The following ASTN2 variants were observed in gnomAD, a reference collection of about 807,000 sequenced individuals.
ASTN2 encodes astrotactin 2, also known as astrotactin-2.
ASTN2 carries 54 observed loss-of-function variants against 139.8 expected under a neutral mutation model. The ratio of observed to expected loss-of-function variants is 0.39; its 90% CI spans 0.31 to 0.48. The LOEUF is 0.48. Among genes scored for constraint, ASTN2 ranks in the 20% least tolerant of loss-of-function variants. The probability of loss-of-function intolerance (pLI) is 0.95; values close to 1 mark genes in which losing one functional copy is unlikely to be tolerated. For missense variants in ASTN2, 1,565 were observed against 1,725.1 expected (o/e 0.91, Z 1.64); for synonymous variants, 756 against 719.5 (o/e 1.05, Z -0.81).
At chr9:117,240,721 G>A (rs1056302089) in intron 2 of ASTN2, among the ~76,000 whole-genome samples, 3 of 152,038 alleles carry the variant, frequency 2.0e-5, no homozygotes, top group Admixed American at 6.6e-5. Flanking sequence ...TCCTTAATAG[G>A]GATCTCTGAA....
chr9:116,708,239 A>G (rs750931639), intron 16 of ASTN2, among the ~76,000 whole-genome samples: 6 of 152,330 alleles, frequency 3.9e-5, no homozygotes, highest in Middle Eastern at 3.4e-3. Flanking sequence ...ACCTAGAAAG[A>G]ATGAATGGCA....
At chr9:117,256,200 TCG>T (rs1440641256) in intron 2 of ASTN2, among the ~76,000 whole-genome samples, 2 of 152,152 alleles carry the variant, frequency 1.3e-5, no homozygotes, top group African/African-American at 4.8e-5. Flanking sequence ...CACCCAGGAC[TCG>T]CCTTATACCC....
At chr9:116,697,968 C>T (rs377669059) in intron 16 of ASTN2, 3 of 1,614,122 alleles carry the variant, frequency 1.9e-6, no homozygotes, top group Non-Finnish European at 2.5e-6. Flanking sequence ...CTTGACCCAG[C>T]TGACAGACAA....
chr9:116,674,994 C>T (rs803900), intron 16 of ASTN2, among the ~76,000 whole-genome samples: 17,517 of 152,136 alleles, frequency 0.12, 1,070 homozygotes, highest in East Asian at 0.15. Context: ...CTTGATGAAT[C>T]GGCTCTGTCT....
Position 117,021,691 on chromosome 9 carries a change from G to C in ASTN2, c.1424-13432C>G, listed in dbSNP as rs546489053. Among the ~76,000 whole-genome samples the C allele has an allele frequency of 7.9e-5, 12 of 152,226 alleles. No individual in the cohort carries two copies. In the Middle Eastern group the frequency reaches 0.01, roughly 129 times the overall value. ...TGCCACTAACTAACCAAATGATAAT[G>C]ATCCAGTTAAATGGGCCTTGGTTCC... On this transcript the variant is annotated intron_variant, in intron 6 of 22. Transcript: ENST00000313400.
chr9:116,464,857 T>C (rs1237626070), intron 20 of ASTN2, among the ~76,000 whole-genome samples: 1 of 152,214 alleles, frequency 6.6e-6, no homozygotes, highest in Non-Finnish European at 1.5e-5. Flanking sequence ...CACTCACTGA[T>C]AAGTAAGTGT....
chr9:116,730,875 G>A (rs1828759039), intron 14 of ASTN2, among the ~76,000 whole-genome samples: 1 of 152,108 alleles, frequency 6.6e-6, no homozygotes, highest in African/African-American at 2.4e-5. Flanking sequence ...TTCCATCTCT[G>A]CTCATTCCTG....
intron 17 of ASTN2, among the ~76,000 whole-genome samples, chr9:116,631,897 C>T (rs1856762084): frequency 1.3e-5 from 2 of 151,972 alleles, no homozygotes; most frequent in South Asian, 4.1e-4. Context: ...AGGCGGATCA[C>T]AAGGTCAAGA....
intron 10 of ASTN2, among the ~76,000 whole-genome samples, chr9:116,864,475 C>A (rs1463401584): frequency 2.0e-5 from 3 of 152,138 alleles, no homozygotes; most frequent in African/African-American, 4.8e-5. Flanking sequence ...AGACTTGATA[C>A]CATAATCCAT....
intron 2 of ASTN2, among the ~76,000 whole-genome samples, chr9:117,256,695 G>C (rs1833695976): frequency 6.6e-6 from 1 of 152,078 alleles, no homozygotes; most frequent in Non-Finnish European, 1.5e-5. Flanking sequence ...AGAAATAAAG[G>C]AGGAAAAAGA....
At chr9:116,789,427 A>G (rs944751354) in intron 13 of ASTN2, among the ~76,000 whole-genome samples, 2 of 152,204 alleles carry the variant, frequency 1.3e-5, no homozygotes, top group Non-Finnish European at 2.9e-5. Flanking sequence ...CAGGCAACAT[A>G]AAAAAATAAA....
At chr9:116,598,344 C>T (rs183495479) in intron 19 of ASTN2, among the ~76,000 whole-genome samples, 25 of 152,200 alleles carry the variant, frequency 1.6e-4, no homozygotes, top group African/African-American at 6.0e-4. Flanking sequence ...CCCAGAAGAC[C>T]CCATGTATGT....
chr9:116,895,986 G>A (rs1833870060), intron 10 of ASTN2, among the ~76,000 whole-genome samples: 1 of 152,218 alleles, frequency 6.6e-6, no homozygotes, highest in South Asian at 2.1e-4. Context: ...GAATTTAAAT[G>A]CATGGATATG....
intron 10 of ASTN2, among the ~76,000 whole-genome samples, chr9:116,908,581 G>T (rs1834228307): frequency 6.6e-6 from 1 of 152,178 alleles, no homozygotes; most frequent in Non-Finnish European, 1.5e-5. Context: ...CTCTCGCAGA[G>T]CCAAAGGAGA....
intron 3 of ASTN2, among the ~76,000 whole-genome samples, chr9:117,142,159 A>G (rs377432779): frequency 3.8e-4 from 58 of 152,328 alleles, no homozygotes; most frequent in African/African-American, 1.3e-3. Context: ...GGAGTGATAA[A>G]GACATCTGGT....
chr9:117,067,139 G>T (rs1241532704), intron 5 of ASTN2, among the ~76,000 whole-genome samples: 1 of 51,612 alleles, frequency 1.9e-5, no homozygotes, highest in African/African-American at 6.8e-5. Flanking sequence ...TATGGTTTTA[G>T]GTCTAACGTT....
chr9:116,666,378 A>G (rs545857082), intron 16 of ASTN2, among the ~76,000 whole-genome samples: 31 of 152,300 alleles, frequency 2.0e-4, no homozygotes, highest in East Asian at 1.3e-3. Context: ...GCAATGTACT[A>G]TTTCCTTAAA....
At chr9:116,709,398 G>A (rs971426911) in intron 16 of ASTN2, among the ~76,000 whole-genome samples, 1 of 152,184 alleles carries the variant, frequency 6.6e-6, no homozygotes, top group Non-Finnish European at 1.5e-5. Context: ...ATGTGATGGA[G>A]CTTGCTGGAA....
At chr9:117,078,947 G>T (rs937054355) in intron 5 of ASTN2, among the ~76,000 whole-genome samples, 5 of 152,096 alleles carry the variant, frequency 3.3e-5, no homozygotes, top group Non-Finnish European at 7.4e-5. Context: ...TATTGGGCAG[G>T]CTGGTCTTGA....
Sources: gnomAD v4.1 joint callset for allele counts (sites outside exome capture counted in the v4.1 genomes callset) on GRCh38, gnomAD v4.1.1 for gene constraint, MANE v1.5 for transcripts, NCBI Gene and HGNC (gene_info 2026-07-23, HGNC 2026-07-21) for gene names.